Variants in FRMD4A observed in about 807,000 individuals in gnomAD.
FRMD4A encodes the protein FERM domain-containing protein 4A.
In FRMD4A, 29 loss-of-function variants were observed where a neutral mutation model predicts 129.1. The observed-to-expected ratio is 0.22, with a 90% confidence interval of 0.17 to 0.31. The LOEUF is 0.31. FRMD4A is among the 10% of genes least tolerant of loss of function. FRMD4A has a pLI of 1.00. For missense variants in FRMD4A, 1,272 were observed against 1,375.8 expected (o/e 0.92, Z 1.19); for synonymous variants, 634 against 571.6 (o/e 1.11, Z -1.56).
chr10:13,917,742 G>T (rs1466645221), intron 2 of FRMD4A, among the ~76,000 whole-genome samples: 4 of 152,120 alleles, frequency 2.6e-5, no homozygotes, highest in Non-Finnish European at 4.4e-5. Context: ...TCCCCAGTTG[G>T]CAGGGCTGGC....
At chr10:13,884,118 A>ACG (rs1411468888) in intron 2 of FRMD4A, among the ~76,000 whole-genome samples, 1 of 94,810 alleles carries the variant, frequency 1.1e-5, no homozygotes, top group African/African-American at 4.4e-5. Context: ...ACACACACAC[A>ACG]CACTCACACA....
intron 2 of FRMD4A, among the ~76,000 whole-genome samples, chr10:14,061,086 C>T (rs1179128978): frequency 2.0e-5 from 3 of 152,072 alleles, no homozygotes; most frequent in South Asian, 2.1e-4. Context: ...GAGCCAAAAT[C>T]GCCAACATTT....
chr10:13,832,730 G>T (rs184526641), intron 3 of FRMD4A, among the ~76,000 whole-genome samples: 20 of 152,232 alleles, frequency 1.3e-4, no homozygotes, highest in Admixed American at 1.3e-3. Context: ...CAGGCCAGGG[G>T]GTAGGTGGGA....
At chr10:13,920,687 T>C (rs2131256611) in intron 2 of FRMD4A, among the ~76,000 whole-genome samples, 1 of 152,366 alleles carries the variant, frequency 6.6e-6, no homozygotes, top group East Asian at 1.9e-4. Context: ...TGTTCTCCCA[T>C]GGGAACATTC....
rs1335351404 is a variant in FRMD4A, at chr10:13,657,136, C to T, written c.2453G>A (p.Gly818Asp). 1.4e-6 allele frequency: 2 copies of T among 1,393,640 alleles called. No individual in the cohort carries two copies. The highest frequency in any genetic ancestry group is 2.3e-5 in the Admixed American group (1 of 43,822). The allele number at this position is 1,393,640 out of a possible 1,614,324, so 86.3% of individuals were successfully genotyped here. Reference sequence around the variant, plus strand: ...GCTCTGGCTGTGCAGGTACACACCGCCCCCCGCGCCCCCCGCGCCCCCCGC... The same window carrying T: ...GCTCTGGCTGTGCAGGTACACACCGTCCCCCGCGCCCCCCGCGCCCCCCGC... ...GGAGGAGGAG[G>D]GVYLHSQSQP... is the part of the protein sequence containing the mutation. The change falls in exon 22 of 25, where the codon GGC becomes GAC. Residue 818 changes from glycine (G) to aspartate (D), a missense_variant. Physicochemically the swap from Gly to Asp is moderately conservative, Grantham distance 94. Coordinates refer to ENST00000357447, the MANE Select transcript of FRMD4A (RefSeq NM_018027.5).
At chr10:13,676,710 T>C (rs931258836) in intron 15 of FRMD4A, among the ~76,000 whole-genome samples, 12 of 152,102 alleles carry the variant, frequency 7.9e-5, no homozygotes, top group African/African-American at 2.7e-4. Context: ...CTAGGGAGAT[T>C]AATCTAATTA....
intron 2 of FRMD4A, among the ~76,000 whole-genome samples, chr10:13,931,436 G>C (rs950862899): frequency 6.6e-6 from 1 of 152,092 alleles, no homozygotes. Context: ...GAGGACCCTT[G>C]TACCAATGAC....
chr10:13,913,827 G>A (rs1028875687), intron 2 of FRMD4A, among the ~76,000 whole-genome samples: 6 of 152,196 alleles, frequency 3.9e-5, no homozygotes, highest in Non-Finnish European at 8.8e-5. Context: ...GCTGAAGTTG[G>A]CATTCTGGTG....
At chr10:14,038,944 A>G (rs1273361923) in intron 2 of FRMD4A, among the ~76,000 whole-genome samples, 1 of 152,226 alleles carries the variant, frequency 6.6e-6, no homozygotes, top group African/African-American at 2.4e-5. Context: ...CCTTCAGGAC[A>G]CCATTTCTTG....
intron 2 of FRMD4A, among the ~76,000 whole-genome samples, chr10:13,931,515 G>A (rs1366043540): frequency 1.3e-5 from 2 of 152,048 alleles, no homozygotes; most frequent in African/African-American, 4.8e-5. Flanking sequence ...TCATTCCCCA[G>A]GAAAGACCTT....
chr10:13,644,276 C>T lies in FRMD4A; in HGVS notation c.*2762G>A, dbSNP rs2080980774. On this transcript the variant is annotated 3_prime_UTR_variant, in exon 25 of 25. Coordinates refer to ENST00000357447, the MANE Select transcript of FRMD4A (RefSeq NM_018027.5). ...GGGCTTTATATCAGACCAAGGACTT[C>T]GTATTTCACCTTATTTTGTTTTAAA... The T allele has an allele frequency of 1.3e-5, 2 of 152,168 alleles. No individual in the cohort carries two copies. The highest frequency in any genetic ancestry group is 4.1e-4 in the South Asian group (2 of 4,820). 9.4% of individuals were successfully genotyped at this position (152,168 alleles called of 1,614,324 possible).
chr10:14,305,756 G>T (rs1372989080), intron 2 of FRMD4A, among the ~76,000 whole-genome samples: 1 of 152,058 alleles, frequency 6.6e-6, no homozygotes, highest in Non-Finnish European at 1.5e-5. Flanking sequence ...ACTGGATAAA[G>T]AAAATGTGAT....
chr10:13,672,886 A>AG (rs1340765779), intron 16 of FRMD4A, among the ~76,000 whole-genome samples: 1 of 152,230 alleles, frequency 6.6e-6, no homozygotes, highest in East Asian at 1.9e-4. Flanking sequence ...TGATCACAGG[A>AG]GAAATCTACC....
intron 2 of FRMD4A, among the ~76,000 whole-genome samples, chr10:13,863,585 G>T (rs921549716): frequency 2.6e-5 from 4 of 152,114 alleles, no homozygotes; most frequent in Admixed American, 2.6e-4. Context: ...GTGTGACCCT[G>T]TCTCAAAAAA....
intron 2 of FRMD4A, among the ~76,000 whole-genome samples, chr10:14,302,480 C>T (rs1478003060): frequency 6.6e-6 from 1 of 152,188 alleles, no homozygotes; most frequent in Non-Finnish European, 1.5e-5. Flanking sequence ...AACTTTGCCA[C>T]GAACCAGCTA....
At chr10:14,191,359 G>A (rs1379002201) in intron 2 of FRMD4A, among the ~76,000 whole-genome samples, 1 of 152,186 alleles carries the variant, frequency 6.6e-6, no homozygotes, top group African/African-American at 2.4e-5. Context: ...GAAAGCAGAG[G>A]CTAATGGGGT....
At chr10:13,675,846 AC>A (rs1272042171) in intron 15 of FRMD4A, 1 of 152,112 alleles carries the variant, frequency 6.6e-6, no homozygotes, top group African/African-American at 2.4e-5. Flanking sequence ...CCCAGAAATA[AC>A]CATTGCTATG....
At chr10:13,776,756 G>C (rs1028044178) in intron 6 of FRMD4A, among the ~76,000 whole-genome samples, 1 of 152,160 alleles carries the variant, frequency 6.6e-6, no homozygotes, top group Non-Finnish European at 1.5e-5. Context: ...GACAGGGAGG[G>C]AGCAGATACT....
In FRMD4A at chr10:13,654,399, A is replaced by T; in HGVS notation, c.3050+17T>A. 6.6e-7 allele frequency: 1 copy of T among 1,523,448 alleles called. No individual in the cohort carries two copies. The highest frequency in any genetic ancestry group is 1.1e-5 in the South Asian group (1 of 89,344). The allele number at this position is 1,523,448 out of a possible 1,614,324, so 94.4% of individuals were successfully genotyped here. A position where few individuals can be genotyped will look rare whatever the true frequency, so the allele number is the denominator to read the frequency against. ...CTTTCGAGCTGACACAGTGAAGAAC[A>T]TAGAAGGAGAACTCACCCAGTCTGC... On this transcript the variant is annotated intron_variant, in intron 23 of 24. Transcript: ENST00000357447.
Sources: allele counts gnomAD v4.1 joint callset (sites outside exome capture counted in the v4.1 genomes callset), GRCh38; gene constraint gnomAD v4.1.1; transcripts MANE v1.5; gene names NCBI Gene and HGNC (gene_info 2026-07-23, HGNC 2026-07-21).